ARHGAP44: variants seen among roughly 807,000 people sequenced by gnomAD.
ARHGAP44 encodes Rho GTPase activating protein 44.
ARHGAP44 carries 43 observed loss-of-function variants against 106.8 expected under a neutral mutation model. The ratio of observed to expected loss-of-function variants is 0.40; its 90% CI spans 0.32 to 0.52. The LOEUF is 0.52. ARHGAP44 is among the 20% of genes least tolerant of loss of function. ARHGAP44 has a pLI of 0.48. For missense variants in ARHGAP44, 866 were observed against 1,050.5 expected, an observed-to-expected ratio of 0.82 and a Z score of 2.43; for synonymous variants, 439 against 410.3, an observed-to-expected ratio of 1.07 and a Z score of -0.85.
chr17:12,968,307 G>A (rs138039585), intron 16 of ARHGAP44, among the ~76,000 whole-genome samples: 7 of 152,298 alleles, frequency 4.6e-5, no homozygotes, highest in East Asian at 3.9e-4. Flanking sequence ...CAAGGGCTTC[G>A]TGACAAAGCA....
chr17:12,961,239 T>TG (rs1293568368), intron 16 of ARHGAP44, among the ~76,000 whole-genome samples: 5 of 152,334 alleles, frequency 3.3e-5, no homozygotes, highest in African/African-American at 1.2e-4. Flanking sequence ...TGCAGGCAGA[T>TG]GCAGAAGCTT....
intron 1 of ARHGAP44, among the ~76,000 whole-genome samples, chr17:12,842,090 G>A (rs1477999841): frequency 6.6e-6 from 1 of 151,686 alleles, no homozygotes; most frequent in African/African-American, 2.4e-5. Context: ...AGAATCGCTT[G>A]GACCCCGCTC....
chr17:12,981,350 C>T (rs868364873), intron 19 of ARHGAP44, among the ~76,000 whole-genome samples: 10 of 152,060 alleles, frequency 6.6e-5, no homozygotes, highest in Non-Finnish European at 1.3e-4. Flanking sequence ...GAGCATTTCT[C>T]CAGCACCAAT....
At chr17:12,916,194 C>T (rs750145172) in intron 5 of ARHGAP44, among the ~76,000 whole-genome samples, 183 bp downstream of exon 5, 1 of 152,082 alleles carries the variant, frequency 6.6e-6, no homozygotes, top group African/African-American at 2.4e-5. Context: ...TTAGCATTTG[C>T]TACCCCTTCT....
intron 17 of ARHGAP44, chr17:12,973,555 G>A: frequency 1.8e-6 from 1 of 565,526 alleles, no homozygotes; most frequent in South Asian, 2.4e-5. Context: ...GTGTGCCTTG[G>A]CCAGGGTCCC....
chr17:12,862,269 C>T (rs1394697983), intron 1 of ARHGAP44, among the ~76,000 whole-genome samples: 1 of 152,060 alleles, frequency 6.6e-6, no homozygotes, highest in Non-Finnish European at 1.5e-5. Context: ...GAAAAACAGA[C>T]CTGAGAGACA....
chr17:12,936,770 C>G (rs948508168), intron 7 of ARHGAP44, among the ~76,000 whole-genome samples: 1 of 152,212 alleles, frequency 6.6e-6, no homozygotes, highest in African/African-American at 2.4e-5. Context: ...AACTGTCATA[C>G]TGTCTTCCAA....
intron 1 of ARHGAP44, among the ~76,000 whole-genome samples, chr17:12,881,686 T>TTTG (rs750079508): frequency 1.3e-5 from 2 of 152,090 alleles, no homozygotes; most frequent in Admixed American, 6.6e-5. Flanking sequence ...ATTTATTTAT[T>TTTG]TTGTTGTTGT....
intron 1 of ARHGAP44, among the ~76,000 whole-genome samples, chr17:12,809,950 G>A (rs1444608979): frequency 6.6e-6 from 1 of 152,158 alleles, no homozygotes; most frequent in African/African-American, 2.4e-5. Context: ...ACAGGCAGGT[G>A]GGATGAGGGG....
At chr17:12,970,783 G>T (rs1297611975) in intron 16 of ARHGAP44, among the ~76,000 whole-genome samples, 1 of 152,186 alleles carries the variant, frequency 6.6e-6, no homozygotes, top group Non-Finnish European at 1.5e-5. Flanking sequence ...CTTGTGAACT[G>T]CTGATATAAC....
rs1438100016 is a variant in ARHGAP44 at position 12,949,160 on chromosome 17, C to T, written c.882C>T (p.Pro294=). ...GGTAGGGACTCTTCCGAGTAGCCCCCTCTGCCTCCAAACTGAAGAAGCTGA... is the reference window on the plus strand; with the variant it reads ...GGTAGGGACTCTTCCGAGTAGCCCCTTCTGCCTCCAAACTGAAGAAGCTGA... ...MQEEGLFRVA[P]SASKLKKLKA... is the part of the protein sequence containing the mutation. Residue 294 remains proline, a synonymous_variant, in exon 11 of 21, where the codon CCC becomes CCT. Coordinates refer to ENST00000379672, the MANE Select transcript of ARHGAP44 (RefSeq NM_014859.6). This position sits in a 1 kb window ranked among gnomAD's most constrained non-coding sequence, Gnocchi z 4.1. 1.3e-6 allele frequency: 2 copies of T among 1,575,288 alleles called. No homozygotes were observed. The highest frequency in any genetic ancestry group is 2.3e-5 in the South Asian group (2 of 85,498).
At chr17:12,823,845 A>G (rs56063321) in intron 1 of ARHGAP44, among the ~76,000 whole-genome samples, 12,897 of 152,120 alleles carry the variant, frequency 0.085, 915 homozygotes, top group African/African-American at 0.2. Context: ...ATATTACCCT[A>G]TCTGGCTTCT....
intron 13 of ARHGAP44, among the ~76,000 whole-genome samples, chr17:12,954,752 G>A (rs1244996931): frequency 6.6e-6 from 1 of 152,164 alleles, no homozygotes; most frequent in Non-Finnish European, 1.5e-5. Flanking sequence ...CAGATTTTTA[G>A]TGTGGTTTGC....
chr17:12,865,680 T>C (rs1284582114), intron 1 of ARHGAP44, among the ~76,000 whole-genome samples: 3 of 151,818 alleles, frequency 2.0e-5, no homozygotes, highest in Non-Finnish European at 4.4e-5. Context: ...TCCCAGCTAC[T>C]TGGGAGGCTG....
chr17:12,828,050 A>T (rs977539383), intron 1 of ARHGAP44, among the ~76,000 whole-genome samples: 38 of 146,636 alleles, frequency 2.6e-4, no homozygotes, highest in Admixed American at 4.8e-4. Context: ...AAAAAAAAAA[A>T]GTCTAATAGT....
chr17:12,948,314 G>A (rs1231645679), intron 10 of ARHGAP44, among the ~76,000 whole-genome samples: 1 of 152,172 alleles, frequency 6.6e-6, no homozygotes, highest in East Asian at 1.9e-4. Flanking sequence ...ATGGAAGGAG[G>A]CTACCTCACA....
At chr17:12,922,155 A>G (rs2038101076) in intron 6 of ARHGAP44, among the ~76,000 whole-genome samples, 1 of 152,234 alleles carries the variant, frequency 6.6e-6, no homozygotes, top group Non-Finnish European at 1.5e-5. Context: ...AAGTGAACAG[A>G]TGAAAGCAAA....
chr17:12,946,359 T>G lies in ARHGAP44; in HGVS notation c.861+2163T>G, dbSNP rs143251193. ...AGATAGCGGATGTTTTGAAATATAA[T>G]TTTTGGCTGAGCACAGTAGTTCACA... On this transcript the variant is annotated intron_variant, in intron 10 of 20. Transcript: ENST00000379672. Among the ~76,000 whole-genome samples, 297 of 152,100 alleles carry G rather than the reference T, an allele frequency of 2.0e-3. 1 individual carries two copies. Among genetic ancestry groups the G allele is most frequent in the African/African-American group, 6.8e-3 (283 of 41,510 alleles).
chr17:12,963,743 A>G (rs1185438634), intron 16 of ARHGAP44, among the ~76,000 whole-genome samples: 2 of 132,320 alleles, frequency 1.5e-5, no homozygotes, highest in Non-Finnish European at 3.5e-5. Context: ...AAGCCCTGCC[A>G]GAACTCTAGA....
Sources: allele counts gnomAD v4.1 joint callset (sites outside exome capture counted in the v4.1 genomes callset), GRCh38; gene constraint gnomAD v4.1.1; non-coding constraint Gnocchi (gnomAD v3.1); transcripts MANE v1.5; gene names NCBI Gene and HGNC (gene_info 2026-07-23, HGNC 2026-07-21).